HPGDS: variants seen among roughly 807,000 people sequenced by gnomAD.
The protein encoded by HPGDS is hematopoietic prostaglandin D synthase.
HPGDS carries 26 observed loss-of-function variants against 23.1 expected under a neutral mutation model. The observed-to-expected ratio is 1.13, with a 90% CI of 0.83 to 1.56. The LOEUF is 1.56. HPGDS is among the 40% of genes most tolerant of loss of function. The pLI is 0.00. For missense variants in HPGDS, 268 were observed against 236.4 expected (o/e 1.13, Z -0.88); for synonymous variants, 95 against 77.9 (o/e 1.22, Z -1.16).
intron 4 of HPGDS, among the ~76,000 whole-genome samples, chr4:94,302,600 T>C (rs1756064642): frequency 6.6e-6 from 1 of 152,116 alleles, no homozygotes; most frequent in African/African-American, 2.4e-5. Flanking sequence ...TTTCTTAACC[T>C]AGCTTTTTTA....
chr4:94,315,331 C>T (rs1756374801), intron 3 of HPGDS, among the ~76,000 whole-genome samples: 1 of 152,080 alleles, frequency 6.6e-6, no homozygotes, highest in Admixed American at 6.5e-5. Context: ...AGGTTTATTT[C>T]CAGTCTTTTG....
chr4:94,314,621 A>C (rs1043681616), intron 3 of HPGDS, among the ~76,000 whole-genome samples: 2 of 152,186 alleles, frequency 1.3e-5, no homozygotes, highest in African/African-American at 4.8e-5. Context: ...GTCCATTCTC[A>C]GATCTCAAGC....
intron 1 of HPGDS, 111 bp from the exon 2 acceptor site, chr4:94,334,749 A>T: frequency 1.1e-6 from 1 of 890,776 alleles, no homozygotes. Flanking sequence ...ATTACTGGAG[A>T]CATTAGAGGA....
At chr4:94,325,237 A>C (rs996896705) in intron 2 of HPGDS, among the ~76,000 whole-genome samples, 1 of 152,222 alleles carries the variant, frequency 6.6e-6, no homozygotes, top group African/African-American at 2.4e-5. Context: ...CTCGGGGGTC[A>C]GGGACCCAGT....
chr4:94,324,342 T>C (rs767017382), intron 2 of HPGDS, among the ~76,000 whole-genome samples: 18 of 151,730 alleles, frequency 1.2e-4, no homozygotes, highest in Admixed American at 4.6e-4. Context: ...CTGGATAATA[T>C]ACTGGAGTGT....
chr4:94,312,238 C>T lies in HPGDS; in HGVS notation c.227-3495G>A, dbSNP rs11946356. 9.7e-3 allele frequency among the ~76,000 whole-genome samples: 1,480 copies of T among 152,082 alleles called. 11 individuals are homozygous for T. Among genetic ancestry groups the T allele is most frequent in the Middle Eastern group, 0.054 (16 of 294 alleles). On this transcript the variant is annotated intron_variant, in intron 3 of 5. Coordinates refer to ENST00000295256, the MANE Select transcript of HPGDS (RefSeq NM_014485.3). ...TCTTTTAATTGTGATGTTAGGGTGTCGATTTTAGATCTTTCCTGCTTTCTC... is the reference window on the plus strand; with the variant it reads ...TCTTTTAATTGTGATGTTAGGGTGTTGATTTTAGATCTTTCCTGCTTTCTC...
intron 1 of HPGDS, among the ~76,000 whole-genome samples, chr4:94,340,311 C>CTTTTCTTTTTTTTTTTTTTTTT (rs1721126934): frequency 8.4e-5 from 2 of 23,686 alleles, no homozygotes; most frequent in Non-Finnish European, 1.7e-4. Flanking sequence ...CTTTCTTTCT[C>CTTTTCTTTTTTTTTTTTTTTTT]TTTTTTTTTT....
In HPGDS at chr4:94,341,857, A is replaced by C. The variant is rs1307798417; in HGVS notation, c.-10+938T>G. Among the ~76,000 whole-genome samples the C allele has an allele frequency of 7.9e-5, 12 of 152,198 alleles. No homozygotes were observed. The East Asian group carries it at 2.3e-3, about 29-fold the overall frequency. On this transcript the variant is annotated intron_variant, in intron 1 of 5. Coordinates refer to ENST00000295256, the MANE Select transcript of HPGDS (RefSeq NM_014485.3). ...GTTCTGAAATGTAAAAATTGGATTC[A>C]GACAGCAATCATGTGAGATACTATT...
intron 4 of HPGDS, among the ~76,000 whole-genome samples, chr4:94,304,813 T>G (rs1756110380): frequency 1.3e-5 from 2 of 152,112 alleles, no homozygotes; most frequent in African/African-American, 2.4e-5. Context: ...GGTAGAGTGT[T>G]ACTCTTATCA....
chr4:94,331,830 T>A (rs1291413666), intron 2 of HPGDS, among the ~76,000 whole-genome samples: 1 of 152,160 alleles, frequency 6.6e-6, no homozygotes, highest in Non-Finnish European at 1.5e-5. Context: ...GTCACAGTGC[T>A]TCTTCACATT....
chr4:94,305,840 G>T (rs1756129104), intron 4 of HPGDS, among the ~76,000 whole-genome samples: 1 of 152,076 alleles, frequency 6.6e-6, no homozygotes, highest in East Asian at 1.9e-4. Flanking sequence ...TTAAGCAATT[G>T]TATACCTAGG....
In HPGDS at chr4:94,328,475, C is replaced by T. The variant is rs1360864651; in HGVS notation, c.133+6022G>A. ...CATATTAATATTTTATCTGTAAATC[C>T]TACTGTTTTCTTATCTAAACCTATT... On this transcript the variant is annotated intron_variant, in intron 2 of 5. Transcript: ENST00000295256. Among the ~76,000 whole-genome samples the T allele has an allele frequency of 3.3e-5, 5 of 152,230 alleles. No homozygotes were observed. The South Asian group carries it at 8.3e-4, about 25-fold the overall frequency.
At chr4:94,310,140 T>A (rs1405347616) in intron 3 of HPGDS, among the ~76,000 whole-genome samples, 1 of 152,202 alleles carries the variant, frequency 6.6e-6, no homozygotes, top group African/African-American at 2.4e-5. Flanking sequence ...TTTAATTAGA[T>A]CCCATTTGTC....
At chr4:94,302,949 G>A (rs369099174) in intron 4 of HPGDS, among the ~76,000 whole-genome samples, 4 of 151,804 alleles carry the variant, frequency 2.6e-5, no homozygotes, top group Non-Finnish European at 5.9e-5. Context: ...TTTACTCAAG[G>A]CCTCTTTCTT....
intron 1 of HPGDS, among the ~76,000 whole-genome samples, chr4:94,339,468 C>A (rs1239685514): frequency 1.3e-5 from 2 of 152,134 alleles, no homozygotes; most frequent in Admixed American, 1.3e-4. Context: ...ATTTAGAATT[C>A]TGTTTGAAAA....
chr4:94,328,019 C>A (rs1756670980), intron 2 of HPGDS, among the ~76,000 whole-genome samples: 2 of 152,232 alleles, frequency 1.3e-5, no homozygotes, highest in South Asian at 4.1e-4. Flanking sequence ...CTCACATGGA[C>A]TCCAGGCACT....
chr4:94,319,572 CTT>C (rs1756462506), intron 2 of HPGDS, among the ~76,000 whole-genome samples: 1 of 152,090 alleles, frequency 6.6e-6, no homozygotes, highest in African/African-American at 2.4e-5. Flanking sequence ...ATAGTAATAA[CTT>C]TTGATTTTTT....
Position 94,299,384 on chromosome 4 carries a change from G to A in HPGDS, c.*96C>T, listed in dbSNP as rs1755985346. The A allele has an allele frequency of 9.8e-7, 1 of 1,018,422 alleles. No homozygotes were observed. The highest frequency in any genetic ancestry group is 2.5e-5 in the Admixed American group (1 of 39,884). 63.1% of individuals were successfully genotyped at this position (1,018,422 alleles called of 1,614,324 possible). A position where few individuals can be genotyped will look rare whatever the true frequency, so the allele number is the denominator to read the frequency against. ...GTGAAAATCTTAGTGGAGCTGGGGA[G>A]GGAGCATGTGGATTATCTGGCAGGC... is the stretch of plus-strand genomic sequence containing the variant. On this transcript the variant is annotated 3_prime_UTR_variant, in exon 6 of 6. Coordinates refer to ENST00000295256, the MANE Select transcript of HPGDS (RefSeq NM_014485.3).
At chr4:94,337,487 C>A (rs996948090) in intron 1 of HPGDS, among the ~76,000 whole-genome samples, 1 of 151,736 alleles carries the variant, frequency 6.6e-6, no homozygotes, top group Non-Finnish European at 1.5e-5. Flanking sequence ...CCAGCTTGGC[C>A]AACATGGTGA....
Sources: allele counts gnomAD v4.1 joint callset (sites outside exome capture counted in the v4.1 genomes callset), GRCh38; gene constraint gnomAD v4.1.1; transcripts MANE v1.5; gene names NCBI Gene and HGNC (gene_info 2026-07-23, HGNC 2026-07-21).